SHMT2: variants seen among roughly 807,000 people sequenced by gnomAD.
SHMT2 encodes the protein serine hydroxymethyltransferase 2.
Under a neutral mutation model 59.6 loss-of-function variants are expected in SHMT2, and 38 were observed. That is an observed-to-expected ratio of 0.64 (90% confidence interval 0.49 to 0.84). The LOEUF (loss-of-function observed/expected upper bound fraction) is 0.84. Among genes scored for constraint, SHMT2 ranks in the 40% least tolerant of loss-of-function variants. The probability of loss-of-function intolerance (pLI) is 0.00; values close to 1 mark genes in which losing one functional copy is unlikely to be tolerated. For missense variants in SHMT2, 533 were observed against 659.5 expected, an observed-to-expected ratio of 0.81 and a Z score of 2.10; for synonymous variants, 254 against 258.1, an observed-to-expected ratio of 0.98 and a Z score of 0.15.
chr12:57,231,642 G>C, intron 3 of SHMT2, 71 bp from the exon 4 acceptor site: 1 of 1,611,952 alleles, frequency 6.2e-7, no homozygotes, highest in Non-Finnish European at 8.5e-7. Context: ...ATTGAGGAGT[G>C]AACTTCCCAG....
In SHMT2 at chr12:57,232,265, C is replaced by T. The variant is rs1398362767; in HGVS notation, c.567C>T (p.Phe189=). ...AGCGGATATCAGCCACGTCCATCTT[C>T]TTCGAGTCTATGCCCTATAAGCTCA... ...DVKRISATSI[F]FESMPYKLNP... is the part of the protein sequence containing the mutation. The change falls in exon 5 of 12, where the codon TTC becomes TTT. Residue 189 remains phenylalanine (F), a synonymous_variant. Transcript: ENST00000328923. 6.2e-7 allele frequency: 1 copy of T among 1,614,178 alleles called. No individual in the cohort carries two copies. Among genetic ancestry groups the T allele is most frequent in the Non-Finnish European group, 8.5e-7 (1 of 1,180,004 alleles).
At chr12:57,230,040 G>T in intron 1 of SHMT2, 1 of 1,416,032 alleles carries the variant, frequency 7.1e-7, no homozygotes, top group Non-Finnish European at 9.2e-7. Flanking sequence ...CCTCGTGACC[G>T]CCCATTTCAC....
Position 57,231,884 on chromosome 12 carries a change from C to T in SHMT2, c.483C>T (p.Ile161=). The T allele has an allele frequency of 2.5e-6, 4 of 1,612,620 alleles. No individual in the cohort carries two copies. Among genetic ancestry groups the T allele is most frequent in the South Asian group, 1.1e-5 (1 of 90,806 alleles). The part of the protein sequence containing the change: ...YTALLQPHDR[I]MGLDLPDGGH... ...CCCTTCTGCAACCTCACGACCGGAT[C>T]ATGGGGCTGGACCTGCCCGATGGGG... is the stretch of plus-strand genomic sequence containing the variant. Residue 161 remains isoleucine (I), a synonymous_variant, in exon 4 of 12, where the codon ATC becomes ATT. Coordinates refer to ENST00000328923, the MANE Select transcript of SHMT2 (RefSeq NM_005412.6).
chr12:57,233,067 A>G, intron 7 of SHMT2, 113 bp from the exon 8 acceptor site: 1 of 1,327,850 alleles, frequency 7.5e-7, no homozygotes, highest in South Asian at 1.5e-5. Flanking sequence ...AATCCAGTGT[A>G]CCAAGCCCAC....
chr12:57,230,411 G>A, intron 1 of SHMT2: 2 of 1,146,854 alleles, frequency 1.7e-6, no homozygotes, highest in South Asian at 1.9e-5. Context: ...CTCTTCCCCC[G>A]CTGACTGGGG....
intron 8 of SHMT2, 93 bp downstream of exon 8, chr12:57,233,438 G>A (rs2037412391): frequency 1.3e-6 from 2 of 1,507,208 alleles, no homozygotes; most frequent in African/African-American, 1.4e-5. Flanking sequence ...CTGATGGAAG[G>A]GAAATGCCAG....
intron 1 of SHMT2, chr12:57,230,193 T>TGCATCAG (rs1287690383): frequency 7.8e-7 from 1 of 1,285,738 alleles, no homozygotes; most frequent in Non-Finnish European, 1.0e-6. Flanking sequence ...CTTCACTGCT[T>TGCATCAG]GCATCAGGCA....
intron 1 of SHMT2, chr12:57,230,199 A>C: frequency 3.1e-6 from 4 of 1,281,090 alleles, no homozygotes; most frequent in Middle Eastern, 2.1e-4. Flanking sequence ...TGCTTGCATC[A>C]GGCAGGGGTC....
rs371194878 is a variant in SHMT2, at chr12:57,234,586, T to C, written c.*225T>C. Reference sequence around the variant, plus strand: ...AGAAGGAGGGCCCAGGCACTTTCTGTTTGAACCCCTGTCATGATCACAGTG... The same window carrying C: ...AGAAGGAGGGCCCAGGCACTTTCTGCTTGAACCCCTGTCATGATCACAGTG... On this transcript the variant is annotated 3_prime_UTR_variant, in exon 12 of 12. Transcript: ENST00000328923. 23 of 422,832 alleles carry C rather than the reference T, an allele frequency of 5.4e-5. No homozygotes were observed. Among genetic ancestry groups the C allele is most frequent in the African/African-American group, 3.0e-4 (15 of 49,300 alleles). 26.2% of individuals were successfully genotyped at this position (422,832 alleles called of 1,614,324 possible). A position where few individuals can be genotyped will look rare whatever the true frequency, so the allele number is the denominator to read the frequency against.
At chr12:57,233,536 T>G in intron 8 of SHMT2, 27 bp from the exon 9 acceptor site, 1 of 1,599,834 alleles carries the variant, frequency 6.3e-7, no homozygotes, top group Non-Finnish European at 8.5e-7. Context: ...AGGCCTAGGG[T>G]GACAGCTGCT....
Position 57,229,717 on chromosome 12 carries a change from C to G in SHMT2, c.-62C>G, listed in dbSNP as rs369263847. 1.2e-6 allele frequency: 2 copies of G among 1,607,342 alleles called. No homozygotes were observed. Among genetic ancestry groups the G allele is most frequent in the Non-Finnish European group, 1.7e-6 (2 of 1,173,836 alleles). ...CATGCGTTCTCCGAACGGTCTTCTT[C>G]CGACAGCTTGCTGCCCTAGACCAGA... On this transcript the variant is annotated 5_prime_UTR_variant, in exon 1 of 12. Coordinates refer to ENST00000328923, the MANE Select transcript of SHMT2 (RefSeq NM_005412.6).
In SHMT2 at chr12:57,231,575, G is replaced by A; in HGVS notation, c.311+15G>A. 2.5e-6 allele frequency: 4 copies of A among 1,614,076 alleles called. No homozygotes were observed. The highest frequency in any genetic ancestry group is 3.4e-6 in the Non-Finnish European group (4 of 1,179,934). On this transcript the variant is annotated intron_variant, in intron 3 of 11. Coordinates refer to ENST00000328923, the MANE Select transcript of SHMT2 (RefSeq NM_005412.6). ...CCTGGCAAGAGGTGAGGGCTGGAGG[G>A]CAGTGTCAGGGATGGTGCTCCCAGT...
intron 2 of SHMT2, 190 bp from the exon 3 acceptor site, chr12:57,231,290 AG>A: frequency 3.1e-6 from 2 of 646,140 alleles, no homozygotes; most frequent in Admixed American, 2.9e-5. Context: ...GGTGGCATTG[AG>A]GGGCCACTGC....
chr12:57,231,220 CCCTT>C (rs72132574), intron 2 of SHMT2: 387,596 of 611,256 alleles, frequency 0.63, 124,669 homozygotes, highest in South Asian at 0.74. Flanking sequence ...TTCATCTGAT[CCCTT>C]CCTTCCTTCC....
chr12:57,232,061 A>G, intron 4 of SHMT2, 148 bp downstream of exon 4: 1 of 1,131,400 alleles, frequency 8.8e-7, no homozygotes, highest in Non-Finnish European at 1.3e-6. Context: ...ATAAGATCCC[A>G]GTTATAGTGC....
Position 57,233,829 on chromosome 12 carries a change from C to G in SHMT2, c.1204C>G (p.Leu402Val). Reference sequence around the variant, plus strand: ...AGCTCGGGCTGAGCGGGTGCTAGAGCTTGTATCCATCACTGCCAACAAGAA... The same window carrying G: ...AGCTCGGGCTGAGCGGGTGCTAGAGGTTGTATCCATCACTGCCAACAAGAA... ...DGARAERVLELVSITANKNTC... is the reference protein window; with the variant it reads ...DGARAERVLEVVSITANKNTC... The change falls in exon 10 of 12, where the codon CTT (leucine) becomes GTT (valine). Residue 402 changes from leucine (L) to valine (V), a missense_variant. Transcript: ENST00000328923. 1.9e-6 allele frequency: 3 copies of G among 1,614,236 alleles called. No homozygotes were observed. The highest frequency in any genetic ancestry group is 2.5e-6 in the Non-Finnish European group (3 of 1,180,044).
intron 9 of SHMT2, 42 bp downstream of exon 9, chr12:57,233,704 G>T (rs753228503): frequency 6.2e-7 from 1 of 1,612,476 alleles, no homozygotes; most frequent in East Asian, 2.2e-5. Context: ...GTAGCTTCAG[G>T]CAGAGGCCCA....
In SHMT2 at chr12:57,232,636, G is replaced by GA. The variant is rs2037373713; in HGVS notation, c.717+62dup. The GA allele has an allele frequency of 4.3e-6, 7 of 1,612,152 alleles. No individual in the cohort carries two copies. The South Asian group carries it at 6.6e-5, about 15-fold the overall frequency. On this transcript the variant is annotated intron_variant, in intron 6 of 11. Transcript: ENST00000328923. ...AGGGGGTGGTGAGGAGGTGTGGGAG[G>GA]AGGGCAGCCTTGGGCAGGCCTCTCC...
At position 57,232,587 on chromosome 12, in the gene SHMT2, G is replaced by C. The variant is rs372077401; in HGVS notation, c.717+12G>C. The C allele has an allele frequency of 3.7e-6, 6 of 1,613,944 alleles. No homozygotes were observed. Among genetic ancestry groups the C allele is most frequent in the Admixed American group, 3.3e-5 (2 of 60,002 alleles). On this transcript the variant is annotated intron_variant, in intron 6 of 11. Coordinates refer to ENST00000328923, the MANE Select transcript of SHMT2 (RefSeq NM_005412.6). ...CCCGCATGAGAGAGGTTGGTGGGGG[G>C]GGCTGGAGACTGGGCACCTCCCCAG...
Sources: allele counts gnomAD v4.1 joint callset, GRCh38; gene constraint gnomAD v4.1.1; transcripts MANE v1.5; gene names NCBI Gene and HGNC (gene_info 2026-07-23, HGNC 2026-07-21).